Variants in COL2A1 observed in about 807,000 individuals in gnomAD.
COL2A1 encodes the protein collagen type II alpha 1 chain.
In COL2A1, 28 loss-of-function variants were observed where a neutral mutation model predicts 204.5. The observed-to-expected ratio is 0.14, with a 90% CI of 0.10 to 0.19. The LOEUF (loss-of-function observed/expected upper bound fraction) is 0.19, where lower values mean the gene tolerates loss of function less well. Ranked by LOEUF, COL2A1 falls within the 10% of genes least tolerant of loss-of-function variation. The pLI is 1.00. For missense variants in COL2A1, 1,388 were observed against 2,027.5 expected, an observed-to-expected ratio of 0.68 and a Z score of 6.06; for synonymous variants, 708 against 718.7, an observed-to-expected ratio of 0.99 and a Z score of 0.24.
intron 13 of COL2A1, 31 bp from the exon 14 acceptor site, chr12:47,993,893 C>T: frequency 1.9e-6 from 3 of 1,614,170 alleles, no homozygotes; most frequent in Non-Finnish European, 2.5e-6. Flanking sequence ...TTCAATCAGA[C>T]TTCTGGGAAA....
chr12:47,974,146 C>A lies in COL2A1; in HGVS notation c.4260G>T (p.Glu1420Asp). Residue 1420 changes from glutamate to aspartate, a missense_variant, in exon 53 of 54, where the codon GAG (glutamate) becomes GAT (aspartate). By Grantham distance (45) the Glu-to-Asp change is conservative (BLOSUM62 2). Around this residue, in one of 3 missense-constraint regions of COL2A1, gnomAD observed 303 missense variants for 369.2 expected, o/e 0.82. Transcript: ENST00000380518. Reference sequence around the variant, plus strand: ...ACCTGCTATTGCCCTCTGCCCGGATCTCCACGTCATTGGAGCCCTGGATGA... The same window carrying A: ...ACCTGCTATTGCCCTCTGCCCGGATATCCACGTCATTGGAGCCCTGGATGA... ...ALLIQGSNDV[E>D]IRAEGNSRFT... 2 of 1,614,236 alleles carry A rather than the reference C, an allele frequency of 1.2e-6. No individual in the cohort carries two copies. Among genetic ancestry groups the A allele is most frequent in the Non-Finnish European group, 1.7e-6 (2 of 1,180,042 alleles).
chr12:47,981,227 C>A (rs1036701563), intron 37 of COL2A1, 116 bp downstream of exon 37: 60 of 1,175,044 alleles, frequency 5.1e-5, no homozygotes, highest in Non-Finnish European at 7.5e-5. Flanking sequence ...AGGGAGGGAG[C>A]CAGTGCCTGG....
chr12:47,999,793 C>A, intron 2 of COL2A1, 126 bp downstream of exon 2: 5 of 803,864 alleles, frequency 6.2e-6, no homozygotes, highest in Non-Finnish European at 1.0e-5. Context: ...CTTTCTACCC[C>A]AGCTACCAGG....
intron 22 of COL2A1, among the ~76,000 whole-genome samples, 162 bp from the exon 23 acceptor site, chr12:47,986,605 A>C (rs950824252): frequency 5.3e-5 from 8 of 152,182 alleles, no homozygotes; most frequent in African/African-American, 1.7e-4. Flanking sequence ...GGGCAGAGGG[A>C]AGTGAGAGGG....
Position 47,987,500 on chromosome 12 carries a change from G to T in COL2A1, c.1221+111C>A. On this transcript the variant is annotated intron_variant, in intron 19 of 53. Transcript: ENST00000380518. The surrounding 1 kb of genome is among the most constrained non-coding windows in gnomAD (Gnocchi z 4.1). ...AGAGGTGGGGACAGGCATTGGGCCAGAATGAAGGTTTGGTGGTTGGAGCCC... is the reference window on the plus strand; with the variant it reads ...AGAGGTGGGGACAGGCATTGGGCCATAATGAAGGTTTGGTGGTTGGAGCCC... 8.9e-7 allele frequency: 1 copy of T among 1,123,720 alleles called. No homozygotes were observed. The highest frequency in any genetic ancestry group is 1.3e-6 in the Non-Finnish European group (1 of 758,596). 69.6% of individuals were successfully genotyped at this position (1,123,720 alleles called of 1,614,324 possible).
Position 47,982,620 on chromosome 12 carries a change from A to C in COL2A1, c.2194-11T>G. 6.3e-7 allele frequency: 1 copy of C among 1,594,396 alleles called. No individual in the cohort carries two copies. Among genetic ancestry groups the C allele is most frequent in the Non-Finnish European group, 8.6e-7 (1 of 1,164,034 alleles). ...TGGGCCAGATGCACCCTGGGGAGGG[A>C]GGTAAGAGGGAGTCTGTAGTGGACA... is the stretch of plus-strand genomic sequence containing the variant. On this transcript the variant is annotated splice_polypyrimidine_tract_variant and intron_variant, in intron 33 of 53. Coordinates refer to ENST00000380518, the MANE Select transcript of COL2A1 (RefSeq NM_001844.5).
At position 47,987,372 on chromosome 12, in the gene COL2A1, C is replaced by T; in HGVS notation, c.1222-59G>A. On this transcript the variant is annotated intron_variant, in intron 19 of 53. Coordinates refer to ENST00000380518, the MANE Select transcript of COL2A1 (RefSeq NM_001844.5). The surrounding 1 kb of genome is among the most constrained non-coding windows in gnomAD (Gnocchi z 4.1). ...AGAATGAACCCCAACCACCTCCAGC[C>T]CTCCAGGATCCAGATCCAGGGACCT... The T allele has an allele frequency of 6.3e-7, 1 of 1,577,298 alleles. No individual in the cohort carries two copies. The highest frequency in any genetic ancestry group is 8.7e-7 in the Non-Finnish European group (1 of 1,148,836).
At chr12:48,003,416 A>C (rs1015648995) in intron 1 of COL2A1, among the ~76,000 whole-genome samples, 13 of 151,918 alleles carry the variant, frequency 8.6e-5, no homozygotes, top group African/African-American at 3.1e-4. Context: ...GCGGCGGGGA[A>C]TGGGGTAAGA....
Position 47,985,746 on chromosome 12 carries a change from A to G in COL2A1, c.1662T>C (p.Pro554=), listed in dbSNP as rs1304050900. Residue 554 remains proline (P), a synonymous_variant, in exon 25 of 54, where the codon CCT becomes CCC. Coordinates refer to ENST00000380518, the MANE Select transcript of COL2A1 (RefSeq NM_001844.5). The part of the protein sequence containing the change: ...ANGDPGRPGE[P]GLPGARGLTG... ...TACTTACCCGGGCTCCAGGAAGGCC[A>G]GGTTCTCCAGGACGGCCAGGGTCAC... 2.5e-6 allele frequency: 4 copies of G among 1,613,986 alleles called. No homozygotes were observed. The highest frequency in any genetic ancestry group is 3.4e-6 in the Non-Finnish European group (4 of 1,179,944).
intron 50 of COL2A1, 152 bp downstream of exon 50, chr12:47,975,811 G>T: frequency 2.5e-6 from 2 of 813,364 alleles, no homozygotes; most frequent in Non-Finnish European, 4.3e-6. Flanking sequence ...CTGATCATGG[G>T]CCCTGTGACC....
In COL2A1 at chr12:47,996,780, G is replaced by A. The variant is rs543493457; in HGVS notation, c.532-155C>T. On this transcript the variant is annotated intron_variant, in intron 7 of 53. Transcript: ENST00000380518. ...TTGATCAGAATTACCACTGATGCCT[G>A]GAAAGTAATTTTGGGAATGGATTAT... Among the ~76,000 whole-genome samples the A allele has an allele frequency of 5.1e-4, 78 of 152,336 alleles. No individual in the cohort carries two copies. The Middle Eastern group carries it at 0.01, about 20-fold the overall frequency.
At chr12:47,998,769 T>A in intron 2 of COL2A1, 1 of 293,782 alleles carries the variant, frequency 3.4e-6, no homozygotes, top group East Asian at 7.0e-5. Flanking sequence ...TCAGTCTCTC[T>A]TCCCCCCACA....
chr12:48,001,266 A>G (rs1206611737), intron 1 of COL2A1, among the ~76,000 whole-genome samples: 1 of 152,270 alleles, frequency 6.6e-6, no homozygotes, highest in African/African-American at 2.4e-5. Flanking sequence ...AGGGCGAGAA[A>G]GAAACGAGCC....
Position 47,986,248 on chromosome 12 carries a change from A to G in COL2A1, c.1527+88T>C, listed in dbSNP as rs1635544. The G allele has an allele frequency of 0.47, 436,227 of 934,790 alleles. 103,381 individuals carry two copies. The highest frequency in any genetic ancestry group is 0.55 in the East Asian group (21,070 of 38,106). 57.9% of individuals were successfully genotyped at this position (934,790 alleles called of 1,614,324 possible). A position where few individuals can be genotyped will look rare whatever the true frequency, so the allele number is the denominator to read the frequency against. ...GAGGATGACATGCGGAAAAGTCACG[A>G]GACTTGACCAGAACACGGACCACAA... On this transcript the variant is annotated intron_variant, in intron 23 of 53. Coordinates refer to ENST00000380518, the MANE Select transcript of COL2A1 (RefSeq NM_001844.5).
Position 47,986,552 on chromosome 12 carries a change from G to GGT in COL2A1, c.1420-110_1420-109insAC, listed in dbSNP as rs1555167325. On this transcript the variant is annotated intron_variant, in intron 22 of 53. Transcript: ENST00000380518. ...CCTTGGCAACTGTTTCAGGGCTGGG[G>GGT]GGGGGCTTGAGGACGAGAGGCCATA... is the stretch of plus-strand genomic sequence containing the variant. 2,361 of 778,222 alleles carry GGT rather than the reference G, an allele frequency of 3.0e-3. 33 individuals carry two copies. The African/African-American group carries it at 0.034, about 11-fold the overall frequency. 48.2% of individuals were successfully genotyped at this position (778,222 alleles called of 1,614,324 possible).
Position 47,980,850 on chromosome 12 carries a change from C to A in COL2A1, c.2517+65G>T. The A allele has an allele frequency of 6.5e-7, 1 of 1,534,596 alleles. No homozygotes were observed. Among genetic ancestry groups the A allele is most frequent in the South Asian group, 1.2e-5 (1 of 83,744 alleles). On this transcript the variant is annotated intron_variant, in intron 38 of 53. Coordinates refer to ENST00000380518, the MANE Select transcript of COL2A1 (RefSeq NM_001844.5). This position sits in a 1 kb window ranked among gnomAD's most constrained non-coding sequence, Gnocchi z 4.5. ...TCCCTCCCTGACAAGCTCCGATGCC[C>A]GAGGGTGCTGGATGTGGAACTGGCC... is the stretch of plus-strand genomic sequence containing the variant.
rs766109897 is a variant in COL2A1, at chr12:47,980,316, G to A, written c.2625+238C>T. Reference sequence around the variant, plus strand: ...CTCCCGGGAAGCTCTTCCTGCCACCGCCCCCTCCTCCCCAGGAGATCAGCA... The same window carrying A: ...CTCCCGGGAAGCTCTTCCTGCCACCACCCCCTCCTCCCCAGGAGATCAGCA... On this transcript the variant is annotated intron_variant, in intron 39 of 53. Coordinates refer to ENST00000380518, the MANE Select transcript of COL2A1 (RefSeq NM_001844.5). The surrounding 1 kb of genome is among the most constrained non-coding windows in gnomAD (Gnocchi z 4.5). Among the ~76,000 whole-genome samples, 5 of 152,064 alleles carry A rather than the reference G, an allele frequency of 3.3e-5. No homozygotes were observed. The highest frequency in any genetic ancestry group is 4.8e-5 in the African/African-American group (2 of 41,398).
chr12:47,990,298 C>T (rs1236370461), intron 16 of COL2A1, among the ~76,000 whole-genome samples: 1 of 152,256 alleles, frequency 6.6e-6, no homozygotes, highest in Non-Finnish European at 1.5e-5. Context: ...GCGTGAGCCA[C>T]CGCACCTGGC....
At chr12:47,981,599 C>A (rs544536156) in intron 36 of COL2A1, among the ~76,000 whole-genome samples, 177 bp downstream of exon 36, 1 of 152,354 alleles carries the variant, frequency 6.6e-6, no homozygotes, top group African/African-American at 2.4e-5. Flanking sequence ...AGTTGCCCCA[C>A]CCAACAGGGA....
Sources: gnomAD v4.1 joint callset for allele counts (sites outside exome capture counted in the v4.1 genomes callset) on GRCh38, gnomAD v4.1.1 for gene constraint, gnomAD v4.1.1 regional missense constraint, Gnocchi (gnomAD v3.1) non-coding constraint, MANE v1.5 for transcripts, NCBI Gene and HGNC (gene_info 2026-07-23, HGNC 2026-07-21) for gene names.